The following BLTP1 variants were observed in gnomAD, a reference collection of about 807,000 sequenced individuals.
BLTP1 encodes bridge-like lipid transfer protein family member 1, also known as fragile site-associated protein.
the BLTP1 span, chr4:122,164,527 A>G: frequency 0.068 from 37,015 of 546,406 alleles, 1,401 homozygotes; most frequent in Middle Eastern, 0.078. Context: ...AGAGGCTCAC[A>G]GTTTTGACTT....
chr4:122,224,909 A>G, the BLTP1 span: 1 of 1,335,222 alleles, frequency 7.5e-7, no homozygotes, highest in Non-Finnish European at 9.6e-7. Context: ...GACCTATATA[A>G]TATTTCAAAG....
At chr4:122,335,521 T>C in the BLTP1 span, among the ~76,000 whole-genome samples, 4 of 152,128 alleles carry the variant, frequency 2.6e-5, no homozygotes, top group African/African-American at 4.8e-5. Context: ...TATAAACCTT[T>C]TAAAATAGTA....
At chr4:122,154,336 T>C in the BLTP1 span, 3 of 985,110 alleles carry the variant, frequency 3.0e-6, no homozygotes, top group Non-Finnish European at 3.6e-6. Context: ...GCTTCAGTTG[T>C]GGTTTAATCT....
chr4:122,155,887 T>G, the BLTP1 span: 166 of 356,462 alleles, frequency 4.7e-4, no homozygotes, highest in Admixed American at 8.4e-4. Flanking sequence ...TGGAGATGGA[T>G]TTAATAGATG....
the BLTP1 span, chr4:122,221,000 T>A: frequency 1.5e-6 from 1 of 665,436 alleles, no homozygotes. Context: ...CTGGGTAGAT[T>A]ATAATTTTAT....
chr4:122,286,537 A>G, the BLTP1 span: 18 of 1,613,936 alleles, frequency 1.1e-5, no homozygotes, highest in Non-Finnish European at 1.5e-5. Flanking sequence ...CTCATTTCTT[A>G]CAGGTGCACA....
the BLTP1 span, chr4:122,349,820 G>A: frequency 6.9e-3 from 11,118 of 1,607,646 alleles, 665 homozygotes; most frequent in African/African-American, 0.13. This position sits in a 1 kb window ranked among gnomAD's most constrained non-coding sequence, Gnocchi z 4.5. Flanking sequence ...AGTATCTGCT[G>A]TAAGACATCT....
chr4:122,212,701 T>C, the BLTP1 span, among the ~76,000 whole-genome samples: 2 of 152,156 alleles, frequency 1.3e-5, no homozygotes, highest in Non-Finnish European at 2.9e-5. Flanking sequence ...AATATATGCT[T>C]TCATTTTAGA....
chr4:122,336,407 T>C, the BLTP1 span: 1 of 1,216,922 alleles, frequency 8.2e-7, no homozygotes, highest in South Asian at 1.7e-5. Flanking sequence ...GATCTTATTA[T>C]ATAGAAGGTT....
the BLTP1 span, chr4:122,291,794 G>A: frequency 1.0e-6 from 1 of 975,212 alleles, no homozygotes; most frequent in Non-Finnish European, 1.2e-6. Flanking sequence ...TAATATAATA[G>A]CGTCTCTTAT....
chr4:122,262,774 C>A, the BLTP1 span: 1 of 1,596,926 alleles, frequency 6.3e-7, no homozygotes, highest in Non-Finnish European at 8.5e-7. Flanking sequence ...GGCATTCACC[C>A]ATATCATTCT....
At chr4:122,261,970 T>C in the BLTP1 span, 43 of 985,278 alleles carry the variant, frequency 4.4e-5, no homozygotes, top group Non-Finnish European at 3.0e-5. Context: ...CTGGTATCCA[T>C]TGCGTCAACA....
chr4:122,234,216 T>G, the BLTP1 span: 1 of 631,968 alleles, frequency 1.6e-6, no homozygotes, highest in Non-Finnish European at 2.0e-6. Context: ...GTAGTCCTTA[T>G]TACAAAGGAG....
chr4:122,334,459 C>T, the BLTP1 span: 1 of 1,612,698 alleles, frequency 6.2e-7, no homozygotes, highest in Admixed American at 1.7e-5. Context: ...GATAGTGCAA[C>T]ATCTCCTCCT....
chr4:122,234,531 C>T, the BLTP1 span, among the ~76,000 whole-genome samples: 2 of 149,150 alleles, frequency 1.3e-5, no homozygotes, highest in Admixed American at 6.7e-5. Flanking sequence ...TAATGTATGC[C>T]GTATCTCTAT....
At chr4:122,226,434 C>T in the BLTP1 span, 6 of 1,193,620 alleles carry the variant, frequency 5.0e-6, no homozygotes, top group Admixed American at 4.7e-5. Flanking sequence ...AAAGGATTTG[C>T]GTTAAAAGTT....
the BLTP1 span, chr4:122,289,332 C>G: frequency 1.3e-6 from 1 of 789,124 alleles, no homozygotes; most frequent in Admixed American, 3.9e-5. Flanking sequence ...ACTGTGCATT[C>G]CTTTTATGGC....
the BLTP1 span, chr4:122,251,008 C>A: frequency 1.0e-6 from 1 of 984,948 alleles, no homozygotes; most frequent in African/African-American, 1.7e-5. Context: ...ATATTCAACT[C>A]ACTTTTTATT....
chr4:122,215,316 A>AT, the BLTP1 span: 4 of 937,498 alleles, frequency 4.3e-6, no homozygotes, highest in African/African-American at 5.3e-5. Flanking sequence ...AGGAATCTAA[A>AT]TTTTTTTAAG....
Sources: allele counts gnomAD v4.1 joint callset (sites outside exome capture counted in the v4.1 genomes callset), GRCh38; gene constraint gnomAD v4.1.1; non-coding constraint Gnocchi (gnomAD v3.1); transcripts MANE v1.5; gene names NCBI Gene and HGNC (gene_info 2026-07-23, HGNC 2026-07-21).